The following RASA2 variants were observed in gnomAD, a reference collection of about 807,000 sequenced individuals.
The protein encoded by RASA2 is RAS p21 protein activator 2, also known as ras GTPase-activating protein 2.
A neutral mutation model predicts 118.2 loss-of-function variants in RASA2; 155 were observed. The ratio of observed to expected loss-of-function variants is 1.31; its 90% CI spans 1.15 to 1.50. The LOEUF is 1.50. Among genes scored for constraint, RASA2 ranks in the 40% most tolerant of loss-of-function variants. The pLI is 0.00. For synonymous variants in RASA2, 353 were observed against 349.1 expected, an observed-to-expected ratio of 1.01 and a Z score of -0.12; for missense variants, 1,016 against 1,009.6, an observed-to-expected ratio of 1.01 and a Z score of -0.09.
intron 19 of RASA2, among the ~76,000 whole-genome samples, chr3:141,590,535 C>T (rs2083272305): frequency 6.6e-6 from 1 of 152,206 alleles, no homozygotes; most frequent in Admixed American, 6.5e-5. Flanking sequence ...AGGACTTTCT[C>T]CTGTAAATAA....
intron 19 of RASA2, among the ~76,000 whole-genome samples, chr3:141,604,149 A>AAGTTAAT: frequency 6.6e-6 from 1 of 152,324 alleles, no homozygotes; most frequent in African/African-American, 2.4e-5. Context: ...TTAGGAGGTA[A>AAGTTAAT]TGACAACTTT....
intron 17 of RASA2, among the ~76,000 whole-genome samples, chr3:141,583,331 G>A (rs753969444): frequency 1.3e-5 from 2 of 151,988 alleles, no homozygotes; most frequent in African/African-American, 4.8e-5. Context: ...AGGCTGAGGC[G>A]AGAGAATCGC....
In RASA2 at chr3:141,560,115, A is replaced by T. The variant is rs1024877339; in HGVS notation, c.863+120A>T. ...TTTGCCATGTAATAAGCTAAACGTC[A>T]TTAATATTGATATGTTCATTAATTC... On this transcript the variant is annotated intron_variant, in intron 9 of 23. Coordinates refer to ENST00000286364, the MANE Select transcript of RASA2 (RefSeq NM_006506.5). The T allele has an allele frequency of 4.4e-6, 3 of 678,650 alleles. No homozygotes were observed. In the African/African-American group the frequency reaches 5.5e-5, roughly 12 times the overall value. The allele number at this position is 678,650 out of a possible 1,614,324, so 42.0% of individuals were successfully genotyped here.
At chr3:141,543,403 G>T (rs1277838627) in intron 5 of RASA2, among the ~76,000 whole-genome samples, 3 of 152,096 alleles carry the variant, frequency 2.0e-5, no homozygotes, top group African/African-American at 4.8e-5. Context: ...ATCAAACAAT[G>T]TTATAATTTT....
intron 19 of RASA2, among the ~76,000 whole-genome samples, chr3:141,597,743 G>A (rs1030468805): frequency 4.6e-5 from 7 of 151,920 alleles, no homozygotes; most frequent in Non-Finnish European, 2.9e-5. Context: ...AAAGATGAGA[G>A]TACAATCAGT....
At chr3:141,543,171 T>C (rs1162893083) in intron 5 of RASA2, among the ~76,000 whole-genome samples, 1 of 152,072 alleles carries the variant, frequency 6.6e-6, no homozygotes, top group Non-Finnish European at 1.5e-5. Flanking sequence ...TTTATTTATA[T>C]TGTGTTTTTA....
intron 3 of RASA2, among the ~76,000 whole-genome samples, chr3:141,520,757 T>A (rs559764281): frequency 6.6e-6 from 1 of 152,290 alleles, no homozygotes; most frequent in South Asian, 2.1e-4. Flanking sequence ...AAATATGTAA[T>A]CTATATACAT....
chr3:141,497,067 G>A (rs1487999450), intron 1 of RASA2, among the ~76,000 whole-genome samples: 5 of 149,340 alleles, frequency 3.3e-5, no homozygotes, highest in East Asian at 3.9e-4. Context: ...TCACAAGGAC[G>A]AAAAACCAAA....
chr3:141,545,207 T>A (rs1043082873), intron 5 of RASA2, among the ~76,000 whole-genome samples: 1 of 152,196 alleles, frequency 6.6e-6, no homozygotes, highest in Non-Finnish European at 1.5e-5. Context: ...CACATAATCA[T>A]AACAATCATG....
chr3:141,596,260 A>G (rs76277649), intron 19 of RASA2, among the ~76,000 whole-genome samples: 3,425 of 152,290 alleles, frequency 0.022, 136 homozygotes, highest in African/African-American at 0.077. Flanking sequence ...CTTCTAAGTA[A>G]CCTATAGATT....
In RASA2 at chr3:141,534,040, C is replaced by T. The variant is rs547955711; in HGVS notation, c.450+4238C>T. On this transcript the variant is annotated intron_variant, in intron 4 of 23. Transcript: ENST00000286364. ...TTATGGTCCTAGTTATCATCTATTT[C>T]ATTTGGTATTCTTTCTCAATATTCT... is the stretch of plus-strand genomic sequence containing the variant. Among the ~76,000 whole-genome samples, 6 of 152,228 alleles carry T rather than the reference C, an allele frequency of 3.9e-5. No individual in the cohort carries two copies. The South Asian group carries it at 1.2e-3, about 32-fold the overall frequency.
intron 5 of RASA2, among the ~76,000 whole-genome samples, chr3:141,543,876 C>CTTTTTTTTTTTTTTTTTTTTTT (rs529631210): frequency 5.1e-5 from 6 of 117,316 alleles, no homozygotes; most frequent in Non-Finnish European, 5.1e-5. Flanking sequence ...TTTCTTTTTT[C>CTTTTTTTTTTTTTTTTTTTTTT]TTTTTTTTTT....
At chr3:141,612,247 C>G (rs2083663983) in intron 23 of RASA2, 36 bp from the exon 24 acceptor site, 2 of 1,494,224 alleles carry the variant, frequency 1.3e-6, no homozygotes, top group African/African-American at 1.4e-5. Context: ...TTTTGTATTT[C>G]TTAAATTTTG....
intron 2 of RASA2, among the ~76,000 whole-genome samples, chr3:141,514,424 T>C (rs1037446635): frequency 6.6e-6 from 1 of 152,192 alleles, no homozygotes; most frequent in African/African-American, 2.4e-5. Context: ...GTGGGAGTGA[T>C]TGCAGAGTCA....
intron 1 of RASA2, among the ~76,000 whole-genome samples, chr3:141,509,248 G>T (rs1484404760): frequency 6.6e-6 from 1 of 152,170 alleles, no homozygotes; most frequent in African/African-American, 2.4e-5. Context: ...TATAGGAAAG[G>T]ATGCTTGGTA....
At position 141,542,326 on chromosome 3, in the gene RASA2, T is replaced by C. The variant is rs373194968; in HGVS notation, c.527+1717T>C. On this transcript the variant is annotated intron_variant, in intron 5 of 23. Coordinates refer to ENST00000286364, the MANE Select transcript of RASA2 (RefSeq NM_006506.5). ...CTGTCTTTCACTTAGCATAATGCTT[T>C]TGAGATTCATCCACACTGTACGTAT... Among the ~76,000 whole-genome samples the C allele has an allele frequency of 4.6e-5, 7 of 152,320 alleles. No individual in the cohort carries two copies. In the East Asian group the frequency reaches 7.7e-4, roughly 17 times the overall value.
intron 1 of RASA2, among the ~76,000 whole-genome samples, chr3:141,487,984 C>T (rs185572213): frequency 2.0e-5 from 3 of 152,328 alleles, no homozygotes; most frequent in East Asian, 1.9e-4. Flanking sequence ...CCAGCCCGCA[C>T]TCAGCCCGCT....
chr3:141,547,195 T>G (rs1187062725), intron 5 of RASA2, among the ~76,000 whole-genome samples: 1 of 152,180 alleles, frequency 6.6e-6, no homozygotes, highest in Non-Finnish European at 1.5e-5. Context: ...CTTTTGTGGT[T>G]TCATATAAAT....
intron 17 of RASA2, 51 bp downstream of exon 17, chr3:141,581,228 G>A: frequency 8.4e-7 from 1 of 1,192,150 alleles, no homozygotes; most frequent in Non-Finnish European, 1.1e-6. Context: ...TATAACATGG[G>A]GAAATAACAT....
Sources: allele counts gnomAD v4.1 joint callset (sites outside exome capture counted in the v4.1 genomes callset), GRCh38; gene constraint gnomAD v4.1.1; transcripts MANE v1.5; gene names NCBI Gene and HGNC (gene_info 2026-07-23, HGNC 2026-07-21).